EHD2: variants seen among roughly 807,000 people sequenced by gnomAD.
EHD2 encodes the protein EH domain containing 2, also known as EH domain-containing protein 2.
In EHD2, 27 loss-of-function variants were observed where a neutral mutation model predicts 41.0. The ratio of observed to expected loss-of-function variants is 0.66; its 90% CI spans 0.49 to 0.91. The LOEUF (loss-of-function observed/expected upper bound fraction) is 0.91, where lower values mean the gene tolerates loss of function less well. Among genes scored for constraint, EHD2 ranks in the 40% least tolerant of loss-of-function variants. The probability of loss-of-function intolerance (pLI) is 0.00; values close to 1 mark genes in which losing one functional copy is unlikely to be tolerated. For missense variants in EHD2, 673 were observed against 773.9 expected (o/e 0.87, Z 1.55); for synonymous variants, 342 against 341.0 (o/e 1.00, Z -0.03).
At chr19:47,725,783 G>A in intron 3 of EHD2, 29 bp from the exon 4 acceptor site, 1 of 1,552,406 alleles carries the variant, frequency 6.4e-7, no homozygotes, top group East Asian at 2.3e-5. Context: ...TCTGCCCCTT[G>A]CGCCCCTGTC....
chr19:47,722,567 CTCTT>C (rs1232565136), intron 3 of EHD2, among the ~76,000 whole-genome samples: 2 of 129,756 alleles, frequency 1.5e-5, no homozygotes, highest in South Asian at 2.3e-4. Flanking sequence ...TAACTTCTCT[CTCTT>C]TTTTTTTTTT....
At chr19:47,734,932 A>C (rs1478857258) in intron 4 of EHD2, among the ~76,000 whole-genome samples, 1 of 151,768 alleles carries the variant, frequency 6.6e-6, no homozygotes, top group Non-Finnish European at 1.5e-5. Context: ...ACGTGCCTGT[A>C]ATCCCAGCTA....
chr19:47,716,705 G>A lies in EHD2; in HGVS notation c.93G>A (p.Thr31=), dbSNP rs1248524605. 4.3e-6 allele frequency: 7 copies of A among 1,612,726 alleles called. No homozygotes were observed. The highest frequency in any genetic ancestry group is 3.3e-5 in the Admixed American group (2 of 59,936). ...CGGCCCTCAAGGAGCTGTACCGCAC[G>A]AAGCTGCTGCCGCTGGAGGAGCACT... ...VTSALKELYR[T]KLLPLEEHYR... The change falls in exon 2 of 6, where the codon ACG becomes ACA. Residue 31 remains threonine (T), a synonymous_variant. Transcript: ENST00000263277.
In EHD2 at chr19:47,741,018, G is replaced by A. The variant is rs376115359; in HGVS notation, c.1218G>A (p.Glu406=). Residue 406 remains glutamate (E), a synonymous_variant, in exon 6 of 6, where the codon GAG becomes GAA. Coordinates refer to ENST00000263277, the MANE Select transcript of EHD2 (RefSeq NM_014601.4). This position sits in a 1 kb window ranked among gnomAD's most constrained non-coding sequence, Gnocchi z 4.5. ...LLRQEELEST[E]VGVQGGAFEG... ...GGCAGGAGGAGCTGGAGAGCACCGA[G>A]GTGGGCGTGCAGGGGGGCGCTTTTG... 1 of 1,610,586 alleles carries A rather than the reference G, an allele frequency of 6.2e-7. No homozygotes were observed. Among genetic ancestry groups the A allele is most frequent in the Non-Finnish European group, 8.5e-7 (1 of 1,179,854 alleles).
At chr19:47,731,314 A>ATATACATATATATATATATGTGTAT (rs1160770476) in intron 4 of EHD2, 3 of 113,990 alleles carry the variant, frequency 2.6e-5, no homozygotes, top group Non-Finnish European at 5.8e-5. Context: ...ATATATATAT[A>ATATACATATATATATATATGTGTAT]ATTTTTTTTT....
At chr19:47,717,886 C>A (rs1973646491) in intron 2 of EHD2, among the ~76,000 whole-genome samples, 1 of 132,018 alleles carries the variant, frequency 7.6e-6, no homozygotes, top group Non-Finnish European at 1.6e-5. Context: ...CCAGCCTGGG[C>A]AACAGAGCGA....
chr19:47,731,293 T>TATAC (rs1555793916), intron 4 of EHD2: 3 of 89,942 alleles, frequency 3.3e-5, no homozygotes, highest in African/African-American at 9.6e-5. Context: ...TATATATATA[T>TATAC]ATATATATAC....
rs1973674646 is a variant in EHD2 at position 47,719,721 on chromosome 19, G to T, written c.502+1115G>T. 6.6e-6 allele frequency among the ~76,000 whole-genome samples: 1 copy of T among 152,148 alleles called. No individual in the cohort carries two copies. The highest frequency in any genetic ancestry group is 1.5e-5 in the Non-Finnish European group (1 of 68,020). On this transcript the variant is annotated intron_variant, in intron 3 of 5. Transcript: ENST00000263277. The surrounding 1 kb of genome is among the most constrained non-coding windows in gnomAD (Gnocchi z 4.1). Reference sequence around the variant, plus strand: ...AAAGGCAGGAGGCAGCTGCAGAAACGATTGGGAGGACACGCTGCCAGCTGA... The same window carrying T: ...AAAGGCAGGAGGCAGCTGCAGAAACTATTGGGAGGACACGCTGCCAGCTGA...
intron 4 of EHD2, among the ~76,000 whole-genome samples, chr19:47,727,984 T>C (rs1035157265): frequency 2.7e-5 from 4 of 150,762 alleles, no homozygotes; most frequent in Admixed American, 6.7e-5. Context: ...TAATCCCAGC[T>C]ACTTGGGAGG....
rs201321731 is a variant in EHD2 at position 47,741,438 on chromosome 19, C to G, written c.*6C>G. On this transcript the variant is annotated 3_prime_UTR_variant, in exon 6 of 6. Transcript: ENST00000263277. The surrounding 1 kb of genome is among the most constrained non-coding windows in gnomAD (Gnocchi z 4.5). ...ACAAGGGCTCCGCCGAGTGAGCCGG[C>G]CCCCCTCCCATGGCCCTGCTGTGGC... 25 of 1,042,624 alleles carry G rather than the reference C, an allele frequency of 2.4e-5. No homozygotes were observed. The highest frequency in any genetic ancestry group is 3.1e-5 in the Non-Finnish European group (23 of 738,696). The allele number at this position is 1,042,624 out of a possible 1,614,324, so 64.6% of individuals were successfully genotyped here. A position where few individuals can be genotyped will look rare whatever the true frequency, so the allele number is the denominator to read the frequency against.
In EHD2 at chr19:47,716,734, G is replaced by A. The variant is rs369448629; in HGVS notation, c.122G>A (p.Arg41His). The change falls in exon 2 of 6, where the codon CGC (arginine) becomes CAC (histidine). Residue 41 changes from arginine to histidine, a missense_variant. Arg to His is a conservative substitution (Grantham distance 29). Transcript: ENST00000263277. ...TKLLPLEEHY[R>H]FGAFHSPALE... ...CTGCTGCCGCTGGAGGAGCACTACCGCTTTGGGGCCTTCCACTCGCCGGCC... is the reference window on the plus strand; with the variant it reads ...CTGCTGCCGCTGGAGGAGCACTACCACTTTGGGGCCTTCCACTCGCCGGCC... 28 of 1,613,246 alleles carry A rather than the reference G, an allele frequency of 1.7e-5. No individual in the cohort carries two copies. Among genetic ancestry groups the A allele is most frequent in the African/African-American group, 8.0e-5 (6 of 74,926 alleles).
chr19:47,724,875 C>T (rs1206060373), intron 3 of EHD2, among the ~76,000 whole-genome samples: 1 of 148,906 alleles, frequency 6.7e-6, no homozygotes, highest in Admixed American at 6.9e-5. Flanking sequence ...ACTCGGGAGG[C>T]TGAGGCAGGA....
chr19:47,741,102 C>T lies in EHD2; in HGVS notation c.1302C>T (p.Gly434=), dbSNP rs200779968. ...ERGPDEAMED[G]EEGSDDEAEW... The stretch of plus-strand genomic sequence containing the variant: ...GACCTGACGAGGCCATGGAGGACGG[C>T]GAGGAGGGCTCGGACGACGAGGCCG... Residue 434 remains glycine, a synonymous_variant, in exon 6 of 6, where the codon GGC becomes GGT. Coordinates refer to ENST00000263277, the MANE Select transcript of EHD2 (RefSeq NM_014601.4). The surrounding 1 kb of genome is among the most constrained non-coding windows in gnomAD (Gnocchi z 4.5). The T allele has an allele frequency of 7.5e-6, 12 of 1,610,094 alleles. No homozygotes were observed. Among genetic ancestry groups the T allele is most frequent in the East Asian group, 2.2e-5 (1 of 44,872 alleles).
intron 4 of EHD2, chr19:47,732,873 C>G (rs1044162243): frequency 6.6e-5 from 10 of 152,088 alleles, no homozygotes; most frequent in Non-Finnish European, 1.5e-4. Flanking sequence ...CATCTGAGAT[C>G]AGGAGTTCAA....
rs1973748116 is a variant in EHD2, at chr19:47,726,053, G to A, written c.744G>A (p.Glu248=). The change falls in exon 4 of 6, where the codon GAG becomes GAA. Residue 248 remains glutamate (E), a synonymous_variant. Transcript: ENST00000263277. ...WALGKVVGTP[E]VLRVYIGSFW... is the part of the protein sequence containing the mutation. Reference sequence around the variant, plus strand: ...TGGGCAAGGTGGTGGGCACGCCCGAGGTGCTGCGCGTCTACATCGGCTCCT... The same window carrying A: ...TGGGCAAGGTGGTGGGCACGCCCGAAGTGCTGCGCGTCTACATCGGCTCCT... 6.3e-7 allele frequency: 1 copy of A among 1,587,080 alleles called. No individual in the cohort carries two copies. The highest frequency in any genetic ancestry group is 1.8e-5 in the Admixed American group (1 of 55,216).
chr19:47,731,295 TATATATAC>T lies in EHD2; in HGVS notation c.916-5066_916-5059del, dbSNP rs1289922223. 3 of 67,324 alleles carry T rather than the reference TATATATAC, an allele frequency of 4.5e-5. 1 individual carries two copies. The highest frequency in any genetic ancestry group is 1.6e-4 in the Admixed American group (1 of 6,296). 4.2% of individuals were successfully genotyped at this position (67,324 alleles called of 1,614,324 possible). A position where few individuals can be genotyped will look rare whatever the true frequency, so the allele number is the denominator to read the frequency against. ...AAAAAAAAAAATATATATATATATA[TATATATAC>T]ATATATATATAATTTTTTTTTTTTT... On this transcript the variant is annotated intron_variant, in intron 4 of 5. Transcript: ENST00000263277.
chr19:47,739,231 G>A (rs1261655328), intron 5 of EHD2, among the ~76,000 whole-genome samples: 1 of 148,570 alleles, frequency 6.7e-6, no homozygotes, highest in Non-Finnish European at 1.5e-5. Context: ...TCCCAAAGTA[G>A]TTGGGACTGC....
At chr19:47,736,232 A>G in intron 4 of EHD2, 137 bp from the exon 5 acceptor site, 1 of 740,862 alleles carries the variant, frequency 1.3e-6, no homozygotes, top group Non-Finnish European at 2.0e-6. Context: ...AGAAAAAGAA[A>G]TAAAAGAAAT....
rs866276886 is a variant in EHD2, at chr19:47,730,025, C to T, written c.915+3801C>T. ...GCTTAGACTCCCCCAGGTTCGTTCC[C>T]GCGGGTCCCTTGGCGGGAGCTGGAG... On this transcript the variant is annotated intron_variant, in intron 4 of 5. Coordinates refer to ENST00000263277, the MANE Select transcript of EHD2 (RefSeq NM_014601.4). Among the ~76,000 whole-genome samples, 5 of 152,168 alleles carry T rather than the reference C, an allele frequency of 3.3e-5. No individual in the cohort carries two copies. In the South Asian group the frequency reaches 1.0e-3, roughly 32 times the overall value.
Sources: allele counts gnomAD v4.1 joint callset (sites outside exome capture counted in the v4.1 genomes callset), GRCh38; gene constraint gnomAD v4.1.1; non-coding constraint Gnocchi (gnomAD v3.1); transcripts MANE v1.5; gene names NCBI Gene and HGNC (gene_info 2026-07-23, HGNC 2026-07-21).